Variants in TLL1 observed in about 807,000 individuals in gnomAD.
TLL1 encodes the protein tolloid like 1.
In TLL1, 49 loss-of-function variants were observed where a neutral mutation model predicts 128.2. The observed-to-expected ratio is 0.38, with a 90% CI of 0.30 to 0.48. TLL1 has a LOEUF of 0.48. Ranked by LOEUF, TLL1 falls within the 20% of genes least tolerant of loss-of-function variation. The pLI is 0.96. For missense variants in TLL1, 1,123 were observed against 1,242.0 expected (o/e 0.90, Z 1.44); for synonymous variants, 454 against 418.8 (o/e 1.08, Z -1.03).
At chr4:165,885,354 G>A (rs1731121533) in intron 1 of TLL1, among the ~76,000 whole-genome samples, 1 of 152,054 alleles carries the variant, frequency 6.6e-6, no homozygotes, top group Non-Finnish European at 1.5e-5. Context: ...CCAAGAAGTT[G>A]CAGTGCCAGG....
chr4:165,905,347 G>T (rs1038463817), intron 1 of TLL1, among the ~76,000 whole-genome samples: 42 of 152,136 alleles, frequency 2.8e-4, no homozygotes. Context: ...ATGTTAGAAC[G>T]TGGATTACTT....
intron 9 of TLL1, among the ~76,000 whole-genome samples, chr4:166,035,621 A>G (rs1251223246): frequency 1.8e-5 from 2 of 109,816 alleles, no homozygotes; most frequent in Non-Finnish European, 3.7e-5. Context: ...GATGTAGAAA[A>G]AGTTGTATTT....
chr4:165,943,411 CAGA>C (rs1225505983), intron 1 of TLL1, among the ~76,000 whole-genome samples: 1 of 151,932 alleles, frequency 6.6e-6, no homozygotes, highest in Admixed American at 6.6e-5. Flanking sequence ...TTTAAAAGAT[CAGA>C]AGTTTTTTCC....
At chr4:166,030,026 A>T (rs1259427996) in intron 9 of TLL1, among the ~76,000 whole-genome samples, 2 of 152,124 alleles carry the variant, frequency 1.3e-5, no homozygotes, top group Non-Finnish European at 2.9e-5. Flanking sequence ...TTGCTGGATC[A>T]TATGGTAGTT....
chr4:166,074,507 A>T (rs970567021), intron 16 of TLL1, among the ~76,000 whole-genome samples: 1 of 152,014 alleles, frequency 6.6e-6, no homozygotes, highest in South Asian at 2.1e-4. Context: ...CGCTATTCAA[A>T]CTATGCACAA....
At chr4:166,038,677 C>A (rs2111088655) in intron 9 of TLL1, among the ~76,000 whole-genome samples, 1 of 152,256 alleles carries the variant, frequency 6.6e-6, no homozygotes, top group South Asian at 2.1e-4. Context: ...GCAACAGCAT[C>A]ATTTTGAAAC....
At chr4:165,927,245 T>C (rs1005482508) in intron 1 of TLL1, among the ~76,000 whole-genome samples, 1 of 152,214 alleles carries the variant, frequency 6.6e-6, no homozygotes, top group Admixed American at 6.5e-5. Flanking sequence ...CTCTTAGTAA[T>C]TTTATTTCCG....
intron 19 of TLL1, among the ~76,000 whole-genome samples, chr4:166,096,440 A>C (rs188982171): frequency 3.3e-5 from 5 of 152,158 alleles, no homozygotes; most frequent in Admixed American, 3.3e-4. Context: ...AAGTTCCATA[A>C]AGACAACTTC....
intron 19 of TLL1, among the ~76,000 whole-genome samples, chr4:166,094,230 G>T (rs1741916113): frequency 1.3e-5 from 2 of 151,966 alleles, no homozygotes; most frequent in Non-Finnish European, 2.9e-5. Context: ...TGAAAATCTG[G>T]GTGATTAATT....
chr4:166,060,141 T>C lies in TLL1; in HGVS notation c.1960T>C (p.Tyr654His), dbSNP rs1186525006. The C allele has an allele frequency of 1.2e-6, 2 of 1,613,650 alleles. No individual in the cohort carries two copies. The highest frequency in any genetic ancestry group is 2.7e-5 in the African/African-American group (2 of 74,858). Residue 654 changes from tyrosine (Y) to histidine (H), a missense_variant, in exon 15 of 21, where the codon TAC becomes CAC. By Grantham distance (83) the Tyr-to-His change is moderately conservative. Transcript: ENST00000061240. ...GTGGCAAGTGGTTGCACCAACCCAG[T>C]ACAGAATTTCTGTGAAGTTTGAGTT... ...CVWQVVAPTQ[Y>H]RISVKFEFFE...
chr4:166,031,363 C>CTTTTTTTTTTTTTT (rs35799879), intron 9 of TLL1, among the ~76,000 whole-genome samples: 1 of 102,274 alleles, frequency 9.8e-6, no homozygotes, highest in African/African-American at 3.8e-5. Flanking sequence ...ATTGCAAGGT[C>CTTTTTTTTTTTTTT]TTTTTTTTTT....
chr4:165,958,100 C>T (rs1734898644), intron 1 of TLL1, among the ~76,000 whole-genome samples: 1 of 145,616 alleles, frequency 6.9e-6, no homozygotes, highest in East Asian at 2.0e-4. Context: ...TTTCTTAATC[C>T]AGTCTATCAT....
chr4:165,920,751 A>G (rs1165903433), intron 1 of TLL1, among the ~76,000 whole-genome samples: 1 of 152,130 alleles, frequency 6.6e-6, no homozygotes, highest in Non-Finnish European at 1.5e-5. Context: ...TTATATGGTA[A>G]TGGTGTTTGG....
chr4:165,920,051 A>C, intron 1 of TLL1: 1 of 224,192 alleles, frequency 4.5e-6, no homozygotes, highest in East Asian at 1.4e-4. Context: ...ATCATACCCC[A>C]AAATACTGCC....
At chr4:166,013,896 G>GT (rs537029284) in intron 7 of TLL1, among the ~76,000 whole-genome samples, 5,458 of 149,834 alleles carry the variant, frequency 0.036, 324 homozygotes, top group African/African-American at 0.12. Context: ...GGCATTCTTT[G>GT]TTTTTTTTTA....
intron 15 of TLL1, among the ~76,000 whole-genome samples, chr4:166,064,573 T>C (rs1021521728): frequency 8.5e-5 from 13 of 152,116 alleles, no homozygotes; most frequent in African/African-American, 3.1e-4. Context: ...TGTATTTTCA[T>C]AGTTTGATAT....
At chr4:165,887,466 G>A (rs951115645) in intron 1 of TLL1, among the ~76,000 whole-genome samples, 5 of 152,142 alleles carry the variant, frequency 3.3e-5, no homozygotes, top group African/African-American at 9.7e-5. Flanking sequence ...TGACTTCATG[G>A]CTTCATACTT....
At chr4:166,040,021 T>A (rs1739173761) in intron 10 of TLL1, among the ~76,000 whole-genome samples, 1 of 152,354 alleles carries the variant, frequency 6.6e-6, no homozygotes, top group South Asian at 2.1e-4. Flanking sequence ...CATGAAAGTC[T>A]GCTGTCAACG....
chr4:166,049,037 C>T (rs960821358), intron 12 of TLL1, among the ~76,000 whole-genome samples: 6 of 151,940 alleles, frequency 3.9e-5, no homozygotes, highest in Non-Finnish European at 7.4e-5. Flanking sequence ...ACTAAAAAGC[C>T]GAGATAAGGA....
Sources: allele counts gnomAD v4.1 joint callset (sites outside exome capture counted in the v4.1 genomes callset), GRCh38; gene constraint gnomAD v4.1.1; transcripts MANE v1.5; gene names NCBI Gene and HGNC (gene_info 2026-07-23, HGNC 2026-07-21).